The following CHCHD6 variants were observed in gnomAD, a reference collection of about 807,000 sequenced individuals.
The protein encoded by CHCHD6 is MICOS complex subunit MIC25.
In CHCHD6, 28 loss-of-function variants were observed where a neutral mutation model predicts 32.3. The observed-to-expected ratio is 0.87, with a 90% CI of 0.64 to 1.19. The LOEUF (loss-of-function observed/expected upper bound fraction) is 1.19, where lower values mean the gene tolerates loss of function less well. Among genes scored for constraint, CHCHD6 ranks in the 50% most tolerant of loss-of-function variants. CHCHD6 has a pLI of 0.00. For missense variants in CHCHD6, 333 were observed against 307.0 expected (o/e 1.08, Z -0.63); for synonymous variants, 122 against 117.5 (o/e 1.04, Z -0.25).
At chr3:126,858,553 C>T (rs1941743974) in intron 5 of CHCHD6, among the ~76,000 whole-genome samples, 1 of 152,228 alleles carries the variant, frequency 6.6e-6, no homozygotes, top group East Asian at 1.9e-4. Flanking sequence ...TTCCAAATCC[C>T]AGGGACCTTA....
intron 4 of CHCHD6, among the ~76,000 whole-genome samples, chr3:126,733,994 A>T (rs952832744): frequency 2.0e-5 from 3 of 152,148 alleles, no homozygotes; most frequent in Admixed American, 2.0e-4. Context: ...CCCATGGTTA[A>T]TGAAGGCTGT....
At chr3:126,748,337 G>A (rs887284024) in intron 4 of CHCHD6, among the ~76,000 whole-genome samples, 6 of 152,168 alleles carry the variant, frequency 3.9e-5, no homozygotes, top group Non-Finnish European at 5.9e-5. Flanking sequence ...GCTCACGCCT[G>A]TAATCCCAGC....
chr3:126,704,310 G>C lies in CHCHD6; in HGVS notation c.-3G>C, dbSNP rs377567356. 49 of 1,603,314 alleles carry C rather than the reference G, an allele frequency of 3.1e-5. No individual in the cohort carries two copies. Among genetic ancestry groups the C allele is most frequent in the African/African-American group, 2.1e-4 (16 of 74,892 alleles). ...GTGGCTGCCGGCCCTGCGGCATCTCGCCATGGGGAGCACGGAGAGCAGCGA... is the reference window on the plus strand; with the variant it reads ...GTGGCTGCCGGCCCTGCGGCATCTCCCCATGGGGAGCACGGAGAGCAGCGA... On this transcript the variant is annotated 5_prime_UTR_variant, in exon 1 of 8. Coordinates refer to ENST00000290913, the MANE Select transcript of CHCHD6 (RefSeq NM_032343.3).
At chr3:126,884,779 A>T (rs574221262) in intron 5 of CHCHD6, among the ~76,000 whole-genome samples, 3 of 152,328 alleles carry the variant, frequency 2.0e-5, no homozygotes, top group African/African-American at 4.8e-5. Flanking sequence ...CAGGTGGGAT[A>T]CTTAATACAA....
chr3:126,827,814 G>C (rs1488902549), intron 4 of CHCHD6, among the ~76,000 whole-genome samples: 1 of 152,158 alleles, frequency 6.6e-6, no homozygotes, highest in African/African-American at 2.4e-5. Flanking sequence ...GGCAGGGGTG[G>C]AGTGGAGGGA....
chr3:126,785,256 G>A (rs1178982281), intron 4 of CHCHD6, among the ~76,000 whole-genome samples: 3 of 152,132 alleles, frequency 2.0e-5, no homozygotes, highest in African/African-American at 4.8e-5. Flanking sequence ...ACTTTTCTAG[G>A]TGTGCCAACC....
intron 6 of CHCHD6, among the ~76,000 whole-genome samples, chr3:126,924,118 C>T (rs982208363): frequency 6.6e-6 from 1 of 152,202 alleles, no homozygotes; most frequent in African/African-American, 2.4e-5. Flanking sequence ...CTCCAGACGA[C>T]AGCTACGGTG....
At chr3:126,772,858 G>A (rs1021051947) in intron 4 of CHCHD6, among the ~76,000 whole-genome samples, 3 of 152,158 alleles carry the variant, frequency 2.0e-5, no homozygotes, top group Non-Finnish European at 2.9e-5. Context: ...TTTTGTAGTG[G>A]CCAGTAATAG....
intron 5 of CHCHD6, among the ~76,000 whole-genome samples, chr3:126,908,780 G>A (rs1181593798): frequency 6.6e-6 from 1 of 152,248 alleles, no homozygotes; most frequent in African/African-American, 2.4e-5. Flanking sequence ...TCTGTGCCAG[G>A]CACTGTTCTA....
intron 5 of CHCHD6, among the ~76,000 whole-genome samples, chr3:126,862,348 C>T (rs1238770360): frequency 3.3e-4 from 33 of 99,440 alleles, no homozygotes; most frequent in African/African-American, 5.2e-4. Flanking sequence ...CTCCTCCTCC[C>T]CCACTATCAC....
rs780164576 is a variant in CHCHD6, at chr3:126,957,529, G to C, written c.680G>C (p.Arg227Pro). 1 of 1,576,500 alleles carries C rather than the reference G, an allele frequency of 6.3e-7. No homozygotes were observed. Among genetic ancestry groups the C allele is most frequent in the Non-Finnish European group, 8.6e-7 (1 of 1,161,278 alleles). ...TCGGACCTGGTCAAGGCATACCAGC[G>C]CTGCGTGAGCGCCGCCCACAAGGTA... ...LCSDLVKAYQ[R>P]CVSAAHKG Residue 227 changes from arginine to proline, a missense_variant, in exon 7 of 8, where the codon CGC becomes CCC. Arg to Pro is a moderately radical substitution (Grantham distance 103). Coordinates refer to ENST00000290913, the MANE Select transcript of CHCHD6 (RefSeq NM_032343.3).
chr3:126,815,651 C>CG (rs1379719908), intron 4 of CHCHD6, among the ~76,000 whole-genome samples: 3 of 150,626 alleles, frequency 2.0e-5, no homozygotes, highest in African/African-American at 7.3e-5. Flanking sequence ...TTGCCCCCCC[C>CG]CCCCCATCTG....
chr3:126,912,499 G>A (rs879901221), intron 5 of CHCHD6, among the ~76,000 whole-genome samples: 7 of 152,314 alleles, frequency 4.6e-5, no homozygotes, highest in Admixed American at 3.9e-4. Context: ...CGTGCCTGTC[G>A]TATGCCGGGA....
At chr3:126,851,575 C>T (rs1003014207) in intron 4 of CHCHD6, among the ~76,000 whole-genome samples, 1 of 152,206 alleles carries the variant, frequency 6.6e-6, no homozygotes, top group Non-Finnish European at 1.5e-5. Flanking sequence ...AAAGGCAGTC[C>T]TGAGCTCCCA....
chr3:126,939,925 G>A (rs1368034725), intron 6 of CHCHD6, among the ~76,000 whole-genome samples: 1 of 152,128 alleles, frequency 6.6e-6, no homozygotes, highest in Non-Finnish European at 1.5e-5. Flanking sequence ...ACGTGTGTGT[G>A]CATATATATC....
intron 4 of CHCHD6, among the ~76,000 whole-genome samples, chr3:126,809,036 A>G (rs964015188): frequency 2.0e-5 from 3 of 151,354 alleles, no homozygotes; most frequent in Admixed American, 2.0e-4. Flanking sequence ...CAGTGGCGTG[A>G]TCTCAGCTCA....
intron 4 of CHCHD6, among the ~76,000 whole-genome samples, chr3:126,764,367 A>G (rs1356561782): frequency 6.6e-6 from 1 of 152,162 alleles, no homozygotes; most frequent in Non-Finnish European, 1.5e-5. Flanking sequence ...CCACGGGGTC[A>G]GCACCAAGCA....
At chr3:126,956,431 C>T (rs1342606383) in intron 6 of CHCHD6, among the ~76,000 whole-genome samples, 2 of 152,224 alleles carry the variant, frequency 1.3e-5, no homozygotes, top group Non-Finnish European at 2.9e-5. Flanking sequence ...AGCTGCATGG[C>T]CTTAATTCTC....
chr3:126,933,020 G>A (rs545818631), intron 6 of CHCHD6, among the ~76,000 whole-genome samples: 1 of 152,148 alleles, frequency 6.6e-6, no homozygotes, highest in African/African-American at 2.4e-5. Flanking sequence ...GTCCGGGAGG[G>A]AGGGGTGTCT....
Sources: allele counts gnomAD v4.1 joint callset (sites outside exome capture counted in the v4.1 genomes callset), GRCh38; gene constraint gnomAD v4.1.1; transcripts MANE v1.5; gene names NCBI Gene and HGNC (gene_info 2026-07-23, HGNC 2026-07-21).